Variants in TSTD2 observed in about 807,000 individuals in gnomAD.
TSTD2 encodes thiosulfate sulfurtransferase like domain containing 2.
A neutral mutation model predicts 47.9 loss-of-function variants in TSTD2; 37 were observed. The observed-to-expected ratio is 0.77, with a 90% CI of 0.59 to 1.02. The LOEUF (loss-of-function observed/expected upper bound fraction) is 1.02, where lower values mean the gene tolerates loss of function less well. Ranked by LOEUF, TSTD2 falls within the 50% of genes least tolerant of loss-of-function variation. The pLI, the probability that TSTD2 is intolerant of heterozygous loss-of-function variation, is 0.00. For synonymous variants in TSTD2, 201 were observed against 215.9 expected, an observed-to-expected ratio of 0.93 and a Z score of 0.61; for missense variants, 586 against 616.0, an observed-to-expected ratio of 0.95 and a Z score of 0.52.
Position 97,605,578 on chromosome 9 carries a change from C to G in TSTD2, c.1018G>C (p.Asp340His). 6.2e-7 allele frequency: 1 copy of G among 1,614,226 alleles called. No homozygotes were observed. Among genetic ancestry groups the G allele is most frequent in the Non-Finnish European group, 8.5e-7 (1 of 1,180,042 alleles). ...TCTCTGAAAAGTTCTAGATTTTTGTCAACGTAGCTAGGGAAGTAACTGAAT... is the reference window on the plus strand; with the variant it reads ...TCTCTGAAAAGTTCTAGATTTTTGTGAACGTAGCTAGGGAAGTAACTGAAT... The part of the protein sequence containing the change: ...RKFSYFPSYV[D>H]KNLELFREKR... Residue 340 changes from aspartate to histidine, a missense_variant, in exon 8 of 10, where the codon GAC becomes CAC. Physicochemically the swap from Asp to His is moderately conservative, Grantham distance 81. Transcript: ENST00000341170.
chr9:97,606,212 T>TA lies in TSTD2; in HGVS notation c.884dup (p.Leu295PhefsTer10), dbSNP rs772795917. On this transcript the variant is annotated frameshift_variant, in exon 7 of 10. Transcript: ENST00000341170. LOFTEE classifies it high-confidence loss of function. ...CACTTTGTTCTTGATTTGCCTGAGATAAAAACTTTTCTACTTCTTTATGAA... is the reference window on the plus strand; with the variant it reads ...CACTTTGTTCTTGATTTGCCTGAGATAAAAAACTTTTCTACTTCTTTATGAA... 6.2e-7 allele frequency: 1 copy of TA among 1,612,274 alleles called. No individual in the cohort carries two copies. Among genetic ancestry groups the TA allele is most frequent in the Non-Finnish European group, 8.5e-7 (1 of 1,179,406 alleles).
chr9:97,620,858 A>C (rs1826623531), intron 3 of TSTD2, among the ~76,000 whole-genome samples: 1 of 152,376 alleles, frequency 6.6e-6, no homozygotes, highest in South Asian at 2.1e-4. Context: ...AGCAAAACAT[A>C]AAAGTTCAAA....
intron 3 of TSTD2, among the ~76,000 whole-genome samples, chr9:97,622,843 C>A (rs1826662752): frequency 6.6e-6 from 1 of 152,226 alleles, no homozygotes. Context: ...TTTGGAATGG[C>A]TGTATTTACT....
At position 97,627,590 on chromosome 9, in the gene TSTD2, TA is replaced by T. The variant is rs1826742856; in HGVS notation, c.-29del. On this transcript the variant is annotated 5_prime_UTR_variant, in exon 2 of 10. Transcript: ENST00000341170. ...GGTTTGGTTGCAACAGTGAAGCAGA[TA>T]TTCCTTTCAGTTAAATACCTCCTAG... 6.4e-7 allele frequency: 1 copy of T among 1,553,264 alleles called. No homozygotes were observed. The highest frequency in any genetic ancestry group is 8.7e-7 in the Non-Finnish European group (1 of 1,145,066).
intron 5 of TSTD2, 92 bp downstream of exon 5, chr9:97,611,482 G>C: frequency 7.1e-7 from 1 of 1,408,406 alleles, no homozygotes; most frequent in Non-Finnish European, 9.5e-7. Context: ...ATTTGGCACT[G>C]CTTATTTCTC....
chr9:97,611,337 G>A (rs1826455393), intron 5 of TSTD2, among the ~76,000 whole-genome samples: 1 of 151,924 alleles, frequency 6.6e-6, no homozygotes, highest in Non-Finnish European at 1.5e-5. Flanking sequence ...GATCACCTGA[G>A]CCCAGGGAGG....
chr9:97,626,821 G>A (rs372700692), intron 2 of TSTD2, among the ~76,000 whole-genome samples: 11 of 152,130 alleles, frequency 7.2e-5, no homozygotes, highest in East Asian at 3.8e-4. Context: ...AGAAAAGCAT[G>A]TGGGTGCCAT....
intron 2 of TSTD2, among the ~76,000 whole-genome samples, chr9:97,626,218 TAAC>T (rs1007404320): frequency 1.4e-5 from 2 of 145,448 alleles, no homozygotes; most frequent in African/African-American, 5.7e-5. Flanking sequence ...GGAGGTTAAA[TAAC>T]TCTCAGCATC....
chr9:97,628,501 T>C (rs934158738), intron 1 of TSTD2, among the ~76,000 whole-genome samples: 5 of 152,186 alleles, frequency 3.3e-5, no homozygotes, highest in Non-Finnish European at 5.9e-5. Flanking sequence ...GAAATATTAA[T>C]ATATAGTGTC....
chr9:97,611,773 C>T, intron 4 of TSTD2, 74 bp from the exon 5 acceptor site: 1 of 1,480,406 alleles, frequency 6.8e-7, no homozygotes, highest in Non-Finnish European at 9.3e-7. Context: ...GAACAATAGG[C>T]TCATGTGTGT....
intron 5 of TSTD2, 127 bp downstream of exon 5, chr9:97,611,446 CA>C: frequency 1.7e-6 from 2 of 1,167,856 alleles, no homozygotes; most frequent in Non-Finnish European, 2.3e-6. Context: ...CCCCAAGCCC[CA>C]AAAAATAAAG....
chr9:97,609,636 G>A (rs1200491371), intron 6 of TSTD2, among the ~76,000 whole-genome samples: 1 of 152,144 alleles, frequency 6.6e-6, no homozygotes, highest in Non-Finnish European at 1.5e-5. Flanking sequence ...GTTTTAAGAT[G>A]TGATATCGTT....
rs1826235983 is a variant in TSTD2, at chr9:97,600,643, C to T, written c.*1826G>A. 2 of 989,634 alleles carry T rather than the reference C, an allele frequency of 2.0e-6. No individual in the cohort carries two copies. The highest frequency in any genetic ancestry group is 1.7e-5 in the African/African-American group (1 of 57,270). 61.3% of individuals were successfully genotyped at this position (989,634 alleles called of 1,614,324 possible). A position where few individuals can be genotyped will look rare whatever the true frequency, so the allele number is the denominator to read the frequency against. On this transcript the variant is annotated 3_prime_UTR_variant, in exon 10 of 10. Transcript: ENST00000341170. ...CAGCTTAGAGACTTCAGCTACTGAT[C>T]TCATCACTTATTAGACAAATTGCTG...
chr9:97,627,942 A>G (rs1826749234), intron 1 of TSTD2, among the ~76,000 whole-genome samples: 1 of 152,220 alleles, frequency 6.6e-6, no homozygotes, highest in East Asian at 1.9e-4. Context: ...CAGGGTAGGG[A>G]GGCAGTGATG....
chr9:97,625,547 G>T, intron 3 of TSTD2, 134 bp downstream of exon 3: 1 of 849,870 alleles, frequency 1.2e-6, no homozygotes, highest in South Asian at 1.8e-5. Context: ...TGTTCCAGTT[G>T]TTCCACATCC....
In TSTD2 at chr9:97,602,341, G is replaced by T; in HGVS notation, c.*128C>A. 8.7e-7 allele frequency: 1 copy of T among 1,153,758 alleles called. No individual in the cohort carries two copies. Among genetic ancestry groups the T allele is most frequent in the Non-Finnish European group, 1.2e-6 (1 of 839,052 alleles). 71.5% of individuals were successfully genotyped at this position (1,153,758 alleles called of 1,614,324 possible). A position where few individuals can be genotyped will look rare whatever the true frequency, so the allele number is the denominator to read the frequency against. On this transcript the variant is annotated 3_prime_UTR_variant, in exon 10 of 10. Transcript: ENST00000341170. ...CTCCCGCTGTGAAGTGTAGACGGCT[G>T]CCACGGTGGCAGCGGCCAGAACTGA...
At chr9:97,611,825 C>G (rs777140836) in intron 4 of TSTD2, 126 bp from the exon 5 acceptor site, 18 of 905,248 alleles carry the variant, frequency 2.0e-5, no homozygotes, top group Non-Finnish European at 2.8e-5. Flanking sequence ...GATGAGGACA[C>G]CAAAGTGTTA....
intron 9 of TSTD2, among the ~76,000 whole-genome samples, chr9:97,603,525 AAG>A (rs1826308155): frequency 6.6e-6 from 1 of 152,220 alleles, no homozygotes; most frequent in African/African-American, 2.4e-5. Flanking sequence ...AGTGATCAAT[AAG>A]AGACAACTCA....
chr9:97,610,949 T>G (rs2131308800), intron 5 of TSTD2: 1 of 152,684 alleles, frequency 6.5e-6, no homozygotes, highest in East Asian at 1.9e-4. Flanking sequence ...GCTGGTGGTC[T>G]CTCAAGTGAG....
Sources: gnomAD v4.1 joint callset for allele counts (sites outside exome capture counted in the v4.1 genomes callset) on GRCh38, gnomAD v4.1.1 for gene constraint, MANE v1.5 for transcripts, NCBI Gene and HGNC (gene_info 2026-07-23, HGNC 2026-07-21) for gene names.